Variants in PCGF3 observed in about 807,000 individuals in gnomAD.
The protein encoded by PCGF3 is polycomb group ring finger 3.
PCGF3 carries 7 observed loss-of-function variants against 33.1 expected under a neutral mutation model. The ratio of observed to expected loss-of-function variants is 0.21; its 90% confidence interval spans 0.12 to 0.40. The LOEUF (loss-of-function observed/expected upper bound fraction) is 0.40, where lower values mean the gene tolerates loss of function less well. Ranked by LOEUF, PCGF3 falls within the 10% of genes least tolerant of loss-of-function variation. The probability of loss-of-function intolerance (pLI) is 1.00; values close to 1 mark genes in which losing one functional copy is unlikely to be tolerated. For synonymous variants in PCGF3, 153 were observed against 121.3 expected (o/e 1.26, Z -1.72); for missense variants, 211 against 313.3 (o/e 0.67, Z 2.46).
rs909084155 is a variant in PCGF3, at chr4:721,881, T to C, written c.-189-8749T>C. 1.4e-5 allele frequency among the ~76,000 whole-genome samples: 2 copies of C among 148,112 alleles called. No homozygotes were observed. The highest frequency in any genetic ancestry group is 5.2e-5 in the African/African-American group (2 of 38,664). On this transcript the variant is annotated intron_variant, in intron 1 of 10. Transcript: ENST00000362003. This position sits in a 1 kb window ranked among gnomAD's most constrained non-coding sequence, Gnocchi z 4.1. ...GGCCTGTGGGAGACTGGTGGATGGGTGGCTCTGCGTGTGGGCGTGGAGAGA... is the reference window on the plus strand; with the variant it reads ...GGCCTGTGGGAGACTGGTGGATGGGCGGCTCTGCGTGTGGGCGTGGAGAGA...
intron 1 of PCGF3, among the ~76,000 whole-genome samples, chr4:710,817 A>G (rs1742531076): frequency 6.6e-6 from 1 of 152,154 alleles, no homozygotes; most frequent in African/African-American, 2.4e-5. Flanking sequence ...AAGTGCAAGG[A>G]TTTTTGCTGT....
At chr4:768,774 C>G (rs950483886) in exon 11 of PCGF3, 2 of 152,532 alleles carry the variant, frequency 1.3e-5, no homozygotes, top group African/African-American at 2.4e-5. Flanking sequence ...AGTGGTCCAG[C>G]TTTATTTACA....
intron 1 of PCGF3, among the ~76,000 whole-genome samples, chr4:730,088 C>A (rs1743489313): frequency 1.3e-5 from 2 of 148,532 alleles, no homozygotes; most frequent in Non-Finnish European, 3.0e-5. Context: ...TGTCCTCATC[C>A]CCACTGAGCC....
chr4:729,890 C>CT (rs896515184), intron 1 of PCGF3, among the ~76,000 whole-genome samples: 2 of 152,240 alleles, frequency 1.3e-5, no homozygotes, highest in African/African-American at 4.8e-5. Context: ...CTCCAGCCAC[C>CT]TGTTTCCCCA....
chr4:730,079 G>C (rs1175442472), intron 1 of PCGF3, among the ~76,000 whole-genome samples: 2 of 151,540 alleles, frequency 1.3e-5, no homozygotes, highest in East Asian at 3.9e-4. Flanking sequence ...TGCCCTCCCT[G>C]TCCTCATCCC....
exon 11 of PCGF3, chr4:766,177 G>C: frequency 1.1e-6 from 1 of 927,334 alleles, no homozygotes; most frequent in South Asian, 1.4e-5. Flanking sequence ...ATGTGGACCA[G>C]ACTTCTGAAT....
intron 6 of PCGF3, among the ~76,000 whole-genome samples, chr4:741,275 A>G (rs994123704): frequency 5.3e-5 from 8 of 152,224 alleles, no homozygotes; most frequent in East Asian, 1.9e-4. Flanking sequence ...GAAAATGAAG[A>G]TATGGCTGTA....
chr4:708,906 A>G (rs1169004139), intron 1 of PCGF3, among the ~76,000 whole-genome samples: 1 of 152,236 alleles, frequency 6.6e-6, no homozygotes, highest in Admixed American at 6.5e-5. Context: ...GGAAGGAATT[A>G]AAGGATCCTG....
chr4:732,754 C>G (rs1743654221), intron 3 of PCGF3, among the ~76,000 whole-genome samples: 1 of 152,232 alleles, frequency 6.6e-6, no homozygotes, highest in Admixed American at 6.5e-5. Flanking sequence ...CTGAGGGAAA[C>G]TCGTGCCTGC....
At chr4:728,480 C>T (rs539532578) in intron 1 of PCGF3, among the ~76,000 whole-genome samples, 34 of 151,916 alleles carry the variant, frequency 2.2e-4, no homozygotes, top group African/African-American at 6.5e-4. Context: ...GCGTAGAGCG[C>T]GTTGGGGGGC....
intron 6 of PCGF3, among the ~76,000 whole-genome samples, chr4:739,120 T>C (rs770263896): frequency 1.3e-5 from 2 of 152,178 alleles, no homozygotes; most frequent in African/African-American, 2.4e-5. Flanking sequence ...TTTAGGAAAA[T>C]AGTAGAGATT....
At chr4:729,142 C>T (rs561857456) in intron 1 of PCGF3, among the ~76,000 whole-genome samples, 7 of 136,876 alleles carry the variant, frequency 5.1e-5, no homozygotes, top group Admixed American at 7.6e-5. Flanking sequence ...GGGCTGGGCA[C>T]GGTGGCTCAC....
chr4:732,349 C>CTCCTTCCCCTCCCCTCCCTTCT (rs1553844990), intron 3 of PCGF3: 1 of 128,040 alleles, frequency 7.8e-6, no homozygotes, highest in Non-Finnish European at 1.7e-5. Context: ...CCCCTCCCTT[C>CTCCTTCCCCTCCCCTCCCTTCT]CCTTCCCCTC....
chr4:731,490 T>A (rs1743557434), intron 3 of PCGF3: 1 of 246,526 alleles, frequency 4.1e-6, no homozygotes, highest in Non-Finnish European at 7.7e-6. Flanking sequence ...GGGCTATCTC[T>A]CCCCTCCCGG....
chr4:733,242 C>A (rs577932243), intron 3 of PCGF3, among the ~76,000 whole-genome samples: 3 of 152,244 alleles, frequency 2.0e-5, no homozygotes, highest in African/African-American at 7.2e-5. Context: ...CGCTGTGAGC[C>A]GCAGAGGGTC....
intron 9 of PCGF3, chr4:762,121 C>T: frequency 1.0e-6 from 1 of 982,688 alleles, no homozygotes; most frequent in Non-Finnish European, 1.2e-6. Flanking sequence ...GTGGTGGCCC[C>T]AGAAGATAAG....
At chr4:751,358 T>TTA (rs1033112117) in intron 8 of PCGF3, among the ~76,000 whole-genome samples, 1 of 152,174 alleles carries the variant, frequency 6.6e-6, no homozygotes, top group African/African-American at 2.4e-5. Context: ...TGATGCGACG[T>TTA]TATAGTTATT....
chr4:711,757 G>A (rs1189941275), intron 1 of PCGF3, among the ~76,000 whole-genome samples: 1 of 151,944 alleles, frequency 6.6e-6, no homozygotes, highest in African/African-American at 2.4e-5. Flanking sequence ...GCACCCGGCC[G>A]AAAATGTAAT....
rs941926267 is a variant in PCGF3 at position 720,197 on chromosome 4, G to A, written c.-189-10433G>A. On this transcript the variant is annotated intron_variant, in intron 1 of 10. Coordinates refer to ENST00000362003, the Ensembl canonical transcript of PCGF3. The surrounding 1 kb of genome is among the most constrained non-coding windows in gnomAD (Gnocchi z 5.6). ...CCTGCTGCCGGAGTATGCCAAGCAC[G>A]AGGGGCCAGGTGGCACACAGCACCT... is the stretch of plus-strand genomic sequence containing the variant. Among the ~76,000 whole-genome samples the A allele has an allele frequency of 3.3e-5, 5 of 152,174 alleles. No homozygotes were observed. Among genetic ancestry groups the A allele is most frequent in the Admixed American group, 1.3e-4 (2 of 15,282 alleles).
Sources: gnomAD v4.1 joint callset for allele counts (sites outside exome capture counted in the v4.1 genomes callset) on GRCh38, gnomAD v4.1.1 for gene constraint, Gnocchi (gnomAD v3.1) non-coding constraint, MANE v1.5 for transcripts, NCBI Gene and HGNC (gene_info 2026-07-23, HGNC 2026-07-21) for gene names.